MYH7B: variants seen among roughly 807,000 people sequenced by gnomAD.
MYH7B encodes myosin-7B.
In MYH7B, 205 loss-of-function variants were observed where a neutral mutation model predicts 234.5. The observed-to-expected ratio is 0.87, with a 90% CI of 0.78 to 0.98. The LOEUF is 0.98. MYH7B is among the 50% of genes least tolerant of loss of function. The pLI is 0.00. For synonymous variants in MYH7B, 1,193 were observed against 1,105.0 expected (o/e 1.08, Z -1.58); for missense variants, 2,652 against 2,633.4 (o/e 1.01, Z -0.15).
chr20:34,999,761 C>CCCAA, intron 37 of MYH7B, 30 bp from the exon 38 acceptor site: 5 of 1,014,548 alleles, frequency 4.9e-6, no homozygotes, highest in Non-Finnish European at 6.6e-6. Flanking sequence ...CCCCCCCCCC[C>CCCAA]ACCCTACCCT....
exon 35 of MYH7B, chr20:34,998,820 G>A (rs1297862018): frequency 1.9e-6 from 3 of 1,613,062 alleles, no homozygotes; most frequent in Non-Finnish European, 2.5e-6. Context: ...CTGAGCTGCA[G>A]CGGCTGCTGT....
chr20:34,979,332 C>G, intron 5 of MYH7B, 58 bp from the exon 6 acceptor site: 1 of 1,369,054 alleles, frequency 7.3e-7, no homozygotes, highest in Non-Finnish European at 1.0e-6. Context: ...GGAACTCCAG[C>G]TAGAACCTGG....
exon 31 of MYH7B, chr20:34,997,141 G>T: frequency 5.8e-6 from 9 of 1,549,526 alleles, no homozygotes; most frequent in Non-Finnish European, 7.8e-6. Flanking sequence ...GCTCTTGGGG[G>T]CCCAGATGCA....
rs749073902 is a variant in MYH7B at position 34,993,444 on chromosome 20, T to C, written c.2418T>C (p.Leu806=). 26 of 1,608,628 alleles carry C rather than the reference T, an allele frequency of 1.6e-5. No individual in the cohort carries two copies. The East Asian group carries it at 5.6e-4, about 35-fold the overall frequency. Residue 806 remains leucine (L), a synonymous_variant, in exon 26 of 45, where the codon CTT becomes CTC. Transcript: ENST00000262873. ...GGAGCCGTGGCCGCCTCATGCGCCT[T>C]GAGTACCAGCGCCTGCTGGGAGGCA...
intron 23 of MYH7B, 43 bp from the exon 24 acceptor site, chr20:34,990,961 G>A (rs1166286685): frequency 6.3e-7 from 1 of 1,580,000 alleles, no homozygotes; most frequent in South Asian, 1.1e-5. Context: ...GGGGCCTGCG[G>A]GTGTGCCTGT....
intron 10 of MYH7B, 65 bp downstream of exon 10, chr20:34,982,620 CTCTT>C (rs2081958063): frequency 1.3e-5 from 17 of 1,325,376 alleles, no homozygotes; most frequent in South Asian, 1.0e-4. Flanking sequence ...CTTTCTTCCT[CTCTT>C]TTTTTTTTTT....
At chr20:34,967,925 C>T (rs1040912263) in intron 2 of MYH7B, among the ~76,000 whole-genome samples, 6 of 152,200 alleles carry the variant, frequency 3.9e-5, no homozygotes. Context: ...GACCTCTCTT[C>T]CAGAATGTTG....
intron 2 of MYH7B, among the ~76,000 whole-genome samples, chr20:34,972,943 A>T (rs888860015): frequency 2.6e-5 from 4 of 152,156 alleles, no homozygotes; most frequent in Admixed American, 1.3e-4. Flanking sequence ...GGTTAATTTT[A>T]AAAATATTTT....
chr20:34,988,014 G>T, intron 18 of MYH7B, 78 bp from the exon 19 acceptor site: 1 of 1,570,176 alleles, frequency 6.4e-7, no homozygotes, highest in Non-Finnish European at 8.6e-7. Context: ...GAAGTTGGGG[G>T]TGAACTCATG....
intron 1 of MYH7B, among the ~76,000 whole-genome samples, chr20:34,957,630 C>T (rs980979612): frequency 6.6e-6 from 1 of 151,878 alleles, no homozygotes; most frequent in African/African-American, 2.4e-5. Flanking sequence ...GCTGGGATTA[C>T]AGGCGTCCAC....
At chr20:34,990,917 C>T (rs2082134551) in intron 23 of MYH7B, 87 bp from the exon 24 acceptor site, 2 of 1,562,246 alleles carry the variant, frequency 1.3e-6, no homozygotes, top group East Asian at 4.5e-5. Context: ...TCTTCCCCCT[C>T]ACCTCGCAGG....
At chr20:34,983,509 C>T (rs1465196142) in intron 10 of MYH7B, among the ~76,000 whole-genome samples, 1 of 151,914 alleles carries the variant, frequency 6.6e-6, no homozygotes, top group Non-Finnish European at 1.5e-5. Flanking sequence ...GAAGAGATGT[C>T]AGGGAGAGGC....
In MYH7B at chr20:34,998,587, AAGCCTGG is replaced by A; in HGVS notation, c.3953_3959del (p.Ser1318LysfsTer7). The A allele has an allele frequency of 6.8e-6, 11 of 1,613,544 alleles. No individual in the cohort carries two copies. Among genetic ancestry groups the A allele is most frequent in the Non-Finnish European group, 9.3e-6 (11 of 1,179,966 alleles). On this transcript the variant is annotated frameshift_variant, in exon 34 of 45. Coordinates refer to ENST00000262873, the Ensembl canonical transcript of MYH7B. LOFTEE classifies it high-confidence loss of function. ...GCCGTGGAAAGGCCCTGGCCGCCCAAAGCCTGGAAGAGTTGCGGCGCCAGCTAGAGGA... is the reference window on the plus strand; with the variant it reads ...GCCGTGGAAAGGCCCTGGCCGCCCAAAAGAGTTGCGGCGCCAGCTAGAGGA...
At position 34,997,453 on chromosome 20, in the gene MYH7B, AGGCGGCGCTGCGGCACGAGGCCACAGT is replaced by A. The variant is rs755232858; in HGVS notation, c.3567_3593del (p.His1192_Arg1200del). The A allele has an allele frequency of 1.5e-4, 221 of 1,489,342 alleles. No homozygotes were observed. The highest frequency in any genetic ancestry group is 1.9e-4 in the Non-Finnish European group (210 of 1,124,482). The allele number at this position is 1,489,342 out of a possible 1,614,324, so 92.3% of individuals were successfully genotyped here. A position where few individuals can be genotyped will look rare whatever the true frequency, so the allele number is the denominator to read the frequency against. On this transcript the variant is annotated inframe_deletion, in exon 32 of 45. Coordinates refer to ENST00000262873, the Ensembl canonical transcript of MYH7B. Reference sequence around the variant, plus strand: ...GGGAGGCTGCGGCGGGAGCTGGAGGAGGCGGCGCTGCGGCACGAGGCCACAGTGGCGGCACTGCGGCGCAAGCAGGCG... The same window carrying A: ...GGGAGGCTGCGGCGGGAGCTGGAGGAGGCGGCACTGCGGCGCAAGCAGGCG...
Position 34,988,076 on chromosome 20 carries a change from CCCCT to C in MYH7B, c.1417-10_1417-7del. The stretch of plus-strand genomic sequence containing the variant: ...TCTGCGAGAGGTCTGCTGAGCCAGG[CCCCT>C]CCCTCTTGTAGTTCAACAGCTTCGA... On this transcript the variant is annotated splice_polypyrimidine_tract_variant and intron_variant, in intron 18 of 44. Transcript: ENST00000262873. 1 of 1,606,026 alleles carries C rather than the reference CCCCT, an allele frequency of 6.2e-7. No individual in the cohort carries two copies. The highest frequency in any genetic ancestry group is 8.5e-7 in the Non-Finnish European group (1 of 1,175,058).
chr20:35,000,588 G>T lies in MYH7B; in HGVS notation c.5077G>T (p.Glu1693Ter). The change falls in exon 39 of 45, where the codon GAG becomes TAG. Residue 1693 changes from glutamate (E) to a stop codon, truncating the protein, a stop_gained. Transcript: ENST00000262873. LOFTEE classifies it high-confidence loss of function. ...GGCCTCGCTGCTGGCTGCGGAGCTGGAGGAGCTGCGGGCTGCCCTGGAGCA... is the reference window on the plus strand; with the variant it reads ...GGCCTCGCTGCTGGCTGCGGAGCTGTAGGAGCTGCGGGCTGCCCTGGAGCA... 6.4e-7 allele frequency: 1 copy of T among 1,568,668 alleles called. No individual in the cohort carries two copies.
chr20:34,993,069 C>A (rs1349484035), intron 24 of MYH7B, 33 bp from the exon 25 acceptor site: 2 of 1,597,774 alleles, frequency 1.3e-6, no homozygotes, highest in Non-Finnish European at 1.7e-6. Context: ...CATACCCAGC[C>A]CTCTCCTGAC....
At chr20:34,956,141 C>T (rs923860542) in intron 1 of MYH7B, 134 bp downstream of exon 1, 1 of 152,336 alleles carries the variant, frequency 6.6e-6, no homozygotes, top group East Asian at 1.9e-4. Context: ...GTAATGGAGG[C>T]CCCAAGGAGG....
exon 32 of MYH7B, chr20:34,997,354 G>A: frequency 6.5e-7 from 1 of 1,536,252 alleles, no homozygotes; most frequent in Non-Finnish European, 8.7e-7. Context: ...GAGGAGCTGA[G>A]CGAGCGGCTG....
Sources: gnomAD v4.1 joint callset for allele counts (sites outside exome capture counted in the v4.1 genomes callset) on GRCh38, gnomAD v4.1.1 for gene constraint, MANE v1.5 for transcripts, NCBI Gene and HGNC (gene_info 2026-07-23, HGNC 2026-07-21) for gene names.